Variants in DCDC1 observed in about 807,000 individuals in gnomAD.
The protein encoded by DCDC1 is doublecortin domain-containing protein 1.
Under a neutral mutation model 178.3 loss-of-function variants are expected in DCDC1, and 200 were observed. The observed-to-expected ratio is 1.12, with a 90% CI of 1.00 to 1.26. DCDC1 has a LOEUF of 1.26. DCDC1 is among the 50% of genes most tolerant of loss of function. The probability of loss-of-function intolerance (pLI) is 0.00; values close to 1 mark genes in which losing one functional copy is unlikely to be tolerated. For synonymous variants in DCDC1, 690 were observed against 604.8 expected (o/e 1.14, Z -2.07); for missense variants, 1,983 against 1,749.2 (o/e 1.13, Z -2.38).
At chr11:31,211,167 G>C (rs1972487259) in intron 9 of DCDC1, among the ~76,000 whole-genome samples, 1 of 152,154 alleles carries the variant, frequency 6.6e-6, no homozygotes, top group South Asian at 2.1e-4. Context: ...TTAGCAATCA[G>C]ACTGAGCTTG....
intron 20 of DCDC1, among the ~76,000 whole-genome samples, chr11:30,960,550 G>A (rs1469565027): frequency 3.3e-5 from 5 of 152,122 alleles, no homozygotes; most frequent in Non-Finnish European, 1.5e-5. Context: ...GCATCAGTAA[G>A]TTCTCTGGAA....
intron 6 of DCDC1, among the ~76,000 whole-genome samples, chr11:31,299,088 C>T (rs977174124): frequency 6.6e-6 from 1 of 152,146 alleles, no homozygotes; most frequent in South Asian, 2.1e-4. Context: ...ACAATTGCTT[C>T]TATGTTTGGT....
At chr11:30,903,405 A>G (rs1189092190) in intron 32 of DCDC1, 77 bp downstream of exon 32, 2 of 1,293,992 alleles carry the variant, frequency 1.5e-6, no homozygotes, top group Admixed American at 6.9e-5. Context: ...AAAACTGACT[A>G]AATGAAATAA....
intron 8 of DCDC1, among the ~76,000 whole-genome samples, chr11:31,247,065 C>T (rs974129299): frequency 3.3e-5 from 5 of 152,070 alleles, no homozygotes; most frequent in African/African-American, 9.6e-5. Context: ...TTGATTTGTA[C>T]GACAGGATCA....
intron 9 of DCDC1, among the ~76,000 whole-genome samples, chr11:31,234,625 C>A (rs1263047922): frequency 6.6e-6 from 1 of 152,022 alleles, no homozygotes; most frequent in Non-Finnish European, 1.5e-5. Flanking sequence ...AATGTGTATT[C>A]AATACTGTTT....
At chr11:31,308,337 TA>T (rs1032027075) in intron 3 of DCDC1, among the ~76,000 whole-genome samples, 1 of 152,224 alleles carries the variant, frequency 6.6e-6, no homozygotes, top group African/African-American at 2.4e-5. Context: ...ACTCTGCTGT[TA>T]AAAATATGTG....
chr11:31,215,867 G>A (rs897146180), intron 9 of DCDC1, among the ~76,000 whole-genome samples: 6 of 151,994 alleles, frequency 3.9e-5, no homozygotes, highest in African/African-American at 1.4e-4. Context: ...GCTCTTGAGT[G>A]GCCTTTGTTA....
chr11:31,283,429 C>T (rs1946593709), intron 7 of DCDC1, among the ~76,000 whole-genome samples: 1 of 150,902 alleles, frequency 6.6e-6, no homozygotes, highest in African/African-American at 2.4e-5. Context: ...ACTAGAAGTT[C>T]CACTGGTTCT....
At chr11:31,096,936 C>T (rs781399729) in intron 15 of DCDC1, among the ~76,000 whole-genome samples, 29 of 152,226 alleles carry the variant, frequency 1.9e-4, no homozygotes, top group Admixed American at 6.5e-4. Flanking sequence ...TGTGTGCGCG[C>T]GCCCGTGTAC....
intron 9 of DCDC1, among the ~76,000 whole-genome samples, chr11:31,155,261 T>C (rs1483603870): frequency 6.6e-6 from 1 of 152,236 alleles, no homozygotes; most frequent in African/African-American, 2.4e-5. Context: ...GATATTTTCA[T>C]GTTCAATGTT....
intron 20 of DCDC1, among the ~76,000 whole-genome samples, chr11:31,000,238 A>G (rs1233209903): frequency 6.6e-6 from 1 of 152,218 alleles, no homozygotes; most frequent in African/African-American, 2.4e-5. Context: ...CCCTATATCA[A>G]ATGAATACCA....
intron 8 of DCDC1, among the ~76,000 whole-genome samples, chr11:31,250,823 C>T (rs184161545): frequency 2.0e-5 from 3 of 151,396 alleles, no homozygotes; most frequent in Non-Finnish European, 2.9e-5. Context: ...GGCGTGATCT[C>T]GGTTCACTGC....
chr11:31,123,992 T>C (rs1381176754), intron 11 of DCDC1, among the ~76,000 whole-genome samples: 1 of 152,100 alleles, frequency 6.6e-6, no homozygotes, highest in East Asian at 1.9e-4. Context: ...ATGGCTTCTT[T>C]GCATATGTAA....
At chr11:30,969,406 C>G (rs1270366979) in intron 20 of DCDC1, among the ~76,000 whole-genome samples, 1 of 152,102 alleles carries the variant, frequency 6.6e-6, no homozygotes, top group Non-Finnish European at 1.5e-5. Flanking sequence ...CCACCAAAAG[C>G]TGAGAGGCAA....
chr11:31,173,190 T>C (rs1411571409), intron 9 of DCDC1, among the ~76,000 whole-genome samples: 1 of 152,074 alleles, frequency 6.6e-6, no homozygotes, highest in East Asian at 1.9e-4. Flanking sequence ...AAAATGAAAA[T>C]CAAAGAAAGT....
intron 21 of DCDC1, among the ~76,000 whole-genome samples, chr11:30,945,128 C>T (rs1947931337): frequency 6.6e-6 from 1 of 151,474 alleles, no homozygotes; most frequent in African/African-American, 2.4e-5. Flanking sequence ...GCCACCATGC[C>T]CGGCAAATTT....
At position 31,170,635 on chromosome 11, in the gene DCDC1, T is replaced by C. The variant is rs561847103; in HGVS notation, c.1222-32851A>G. 3.3e-5 allele frequency among the ~76,000 whole-genome samples: 5 copies of C among 152,312 alleles called. No homozygotes were observed. The East Asian group carries it at 9.6e-4, about 29-fold the overall frequency. ...AAAAACAGATTTACCTTTCACACTA[T>C]GTAATCTGATGTTTCATCTAGCTAC... On this transcript the variant is annotated intron_variant, in intron 9 of 38. Coordinates refer to ENST00000684477, the MANE Select transcript of DCDC1 (RefSeq NM_001387274.1).
intron 20 of DCDC1, among the ~76,000 whole-genome samples, chr11:31,004,796 C>T (rs1003125426): frequency 6.6e-6 from 1 of 151,886 alleles, no homozygotes; most frequent in Non-Finnish European, 1.5e-5. Flanking sequence ...TTCCCTGTGC[C>T]TCGGTTCAGT....
intron 20 of DCDC1, among the ~76,000 whole-genome samples, chr11:31,011,303 T>C (rs568445497): frequency 5.5e-4 from 84 of 152,298 alleles, no homozygotes; most frequent in African/African-American, 2.0e-3. Flanking sequence ...AAAATATTCA[T>C]AAATCTTACT....
Sources: allele counts gnomAD v4.1 joint callset (sites outside exome capture counted in the v4.1 genomes callset), GRCh38; gene constraint gnomAD v4.1.1; transcripts MANE v1.5; gene names NCBI Gene and HGNC (gene_info 2026-07-23, HGNC 2026-07-21).